Variants in SPATA13 observed in about 807,000 individuals in gnomAD.
SPATA13 encodes spermatogenesis-associated protein 13.
SPATA13 carries 50 observed loss-of-function variants against 104.0 expected under a neutral mutation model. The ratio of observed to expected loss-of-function variants is 0.48; its 90% confidence interval spans 0.38 to 0.61. The LOEUF (loss-of-function observed/expected upper bound fraction) is 0.61, where lower values mean the gene tolerates loss of function less well. SPATA13 is among the 20% of genes least tolerant of loss of function. The pLI is 0.00. For missense variants in SPATA13, 1,524 were observed against 1,690.6 expected (o/e 0.90, Z 1.73); for synonymous variants, 606 against 667.5 (o/e 0.91, Z 1.42).
At chr13:24,066,456 G>C (rs1283335969) in intron 3 of SPATA13, among the ~76,000 whole-genome samples, 1 of 152,126 alleles carries the variant, frequency 6.6e-6, no homozygotes. Context: ...TCTTTTCCCA[G>C]CTTCAAGCCT....
intron 2 of SPATA13, among the ~76,000 whole-genome samples, chr13:24,014,657 T>A (rs182670607): frequency 6.6e-6 from 1 of 152,354 alleles, no homozygotes; most frequent in East Asian, 1.9e-4. Flanking sequence ...AAATAGTGTA[T>A]GTCTTCTCCT....
chr13:24,079,255 G>C (rs1045257272), intron 3 of SPATA13, among the ~76,000 whole-genome samples: 2 of 152,212 alleles, frequency 1.3e-5, no homozygotes, highest in African/African-American at 4.8e-5. Context: ...ATGTAAACAG[G>C]ATCCAGCCAT....
chr13:24,065,188 C>T (rs1378184871), intron 3 of SPATA13, among the ~76,000 whole-genome samples: 11 of 152,116 alleles, frequency 7.2e-5, no homozygotes, highest in Non-Finnish European at 1.5e-4. Context: ...AATATATCAG[C>T]GACAACTGTA....
chr13:24,083,354 C>G (rs1879607558), intron 3 of SPATA13, among the ~76,000 whole-genome samples: 1 of 152,238 alleles, frequency 6.6e-6, no homozygotes, highest in African/African-American at 2.4e-5. Context: ...CATTTCAACT[C>G]TACCCCATGG....
chr13:24,098,925 CAAAAAAA>C (rs61641076), intron 3 of SPATA13, among the ~76,000 whole-genome samples: 7 of 79,520 alleles, frequency 8.8e-5, no homozygotes, highest in Admixed American at 1.5e-4. Flanking sequence ...GACTCCATCT[CAAAAAAA>C]AAAAAAAAAA....
chr13:24,088,602 A>G lies in SPATA13; in HGVS notation c.-112+70901A>G, dbSNP rs1296961383. On this transcript the variant is annotated intron_variant, in intron 3 of 14. Transcript: ENST00000424834. This position sits in a 1 kb window ranked among gnomAD's most constrained non-coding sequence, Gnocchi z 4.3. ...ATTTTTAAAATGACATAATAAACACATCTCTTTAACCTCAATTTTCTCTTT... is the reference window on the plus strand; with the variant it reads ...ATTTTTAAAATGACATAATAAACACGTCTCTTTAACCTCAATTTTCTCTTT... Among the ~76,000 whole-genome samples the G allele has an allele frequency of 6.6e-6, 1 of 152,028 alleles. No homozygotes were observed. Among genetic ancestry groups the G allele is most frequent in the African/African-American group, 2.4e-5 (1 of 41,390 alleles).
In SPATA13 at chr13:24,023,670, A is replaced by G. The variant is rs9580830; in HGVS notation, c.-112+5969A>G. ...TAAAAGTGGAAGAGGGAGGCTGGACAGGAGGCCAGAGAGATGCAGTGTGAG... is the reference window on the plus strand; with the variant it reads ...TAAAAGTGGAAGAGGGAGGCTGGACGGGAGGCCAGAGAGATGCAGTGTGAG... On this transcript the variant is annotated intron_variant, in intron 3 of 14. Transcript: ENST00000424834. Among the ~76,000 whole-genome samples, 804 of 152,290 alleles carry G rather than the reference A, an allele frequency of 5.3e-3. 7 individuals carry two copies. Among genetic ancestry groups the G allele is most frequent in the African/African-American group, 0.019 (776 of 41,570 alleles).
chr13:24,184,158 G>A (rs1191649404), intron 1 of SPATA13, among the ~76,000 whole-genome samples: 1 of 152,174 alleles, frequency 6.6e-6, no homozygotes, highest in Admixed American at 6.5e-5. Flanking sequence ...AATAAGTTTT[G>A]AGTGAATGGG....
chr13:24,092,038 C>A (rs6490868), intron 3 of SPATA13, among the ~76,000 whole-genome samples: 141,423 of 152,272 alleles, frequency 0.93, 65,901 homozygotes, highest in Middle Eastern at 0.97. Context: ...TAGTCTTTGA[C>A]TAAACACTTT....
In SPATA13 at chr13:24,024,092, T is replaced by C. The variant is rs534743468; in HGVS notation, c.-112+6391T>C. Among the ~76,000 whole-genome samples the C allele has an allele frequency of 9.0e-4, 137 of 152,310 alleles. 1 individual carries two copies. The South Asian group carries it at 0.026, about 29-fold the overall frequency. The stretch of plus-strand genomic sequence containing the variant: ...ACTGTGCTGAAGAGGCTCTGAGTCA[T>C]GTGCTGCGGAGGTCAGTGTGTCAGA... On this transcript the variant is annotated intron_variant, in intron 3 of 14. Transcript: ENST00000424834.
chr13:24,030,898 T>G (rs1877449778), intron 3 of SPATA13, among the ~76,000 whole-genome samples: 1 of 152,216 alleles, frequency 6.6e-6, no homozygotes, highest in Non-Finnish European at 1.5e-5. Context: ...TTTTCTAATT[T>G]TACAGAGAAC....
intron 3 of SPATA13, among the ~76,000 whole-genome samples, chr13:24,099,818 A>G (rs1880198129): frequency 1.3e-5 from 2 of 152,264 alleles, no homozygotes; most frequent in African/African-American, 4.8e-5. Flanking sequence ...GAAAGGGATA[A>G]GGAGGATGCA....
intron 2 of SPATA13, among the ~76,000 whole-genome samples, chr13:24,226,736 T>G (rs1432416452): frequency 6.6e-6 from 1 of 152,218 alleles, no homozygotes; most frequent in African/African-American, 2.4e-5. Flanking sequence ...GATGAATGAT[T>G]GCACAGCAAG....
At chr13:24,173,729 T>C (rs890178845) in intron 1 of SPATA13, among the ~76,000 whole-genome samples, 5 of 152,218 alleles carry the variant, frequency 3.3e-5, no homozygotes, top group Non-Finnish European at 7.3e-5. Context: ...GTGTGGTTTT[T>C]CTTCTTCAGC....
chr13:24,112,178 T>G (rs914402056), intron 3 of SPATA13, among the ~76,000 whole-genome samples: 1 of 152,206 alleles, frequency 6.6e-6, no homozygotes, highest in Non-Finnish European at 1.5e-5. Flanking sequence ...CCCCCATTCC[T>G]TCTTGCAAAG....
intron 3 of SPATA13, among the ~76,000 whole-genome samples, chr13:24,082,644 C>A (rs1879564299): frequency 6.6e-6 from 1 of 150,906 alleles, no homozygotes. Flanking sequence ...CAAGGTGAAA[C>A]CCCGTCTCTA....
chr13:24,137,913 C>T (rs1881625427), intron 3 of SPATA13, among the ~76,000 whole-genome samples: 1 of 152,100 alleles, frequency 6.6e-6, no homozygotes, highest in South Asian at 2.1e-4. Flanking sequence ...AAAGCCTGAC[C>T]CCCAGTGATG....
chr13:24,057,644 C>T (rs1247749985), intron 3 of SPATA13, among the ~76,000 whole-genome samples: 4 of 146,808 alleles, frequency 2.7e-5, no homozygotes, highest in Non-Finnish European at 6.2e-5. Flanking sequence ...TATCCCCAAC[C>T]TCCAACCGTC....
At chr13:23,991,982 C>T (rs1875436158) in intron 2 of SPATA13, among the ~76,000 whole-genome samples, 1 of 152,226 alleles carries the variant, frequency 6.6e-6, no homozygotes, top group Admixed American at 6.5e-5. Context: ...TAATGATTGG[C>T]ACTGCCATTG....
Sources: allele counts gnomAD v4.1 joint callset (sites outside exome capture counted in the v4.1 genomes callset), GRCh38; gene constraint gnomAD v4.1.1; non-coding constraint Gnocchi (gnomAD v3.1); transcripts MANE v1.5; gene names NCBI Gene and HGNC (gene_info 2026-07-23, HGNC 2026-07-21).